CELF2: variants seen among roughly 807,000 people sequenced by gnomAD.
CELF2 encodes the protein CUGBP Elav-like family member 2.
Under a neutral mutation model 62.6 loss-of-function variants are expected in CELF2, and 8 were observed. The observed-to-expected ratio is 0.13, with a 90% CI of 0.07 to 0.23. CELF2 has a LOEUF of 0.23. CELF2 is among the 10% of genes least tolerant of loss of function. The pLI is 1.00. For synonymous variants in CELF2, 258 were observed against 250.0 expected, an observed-to-expected ratio of 1.03 and a Z score of -0.30; for missense variants, 333 against 671.0, an observed-to-expected ratio of 0.50 and a Z score of 5.56.
chr10:10,619,749 T>C, the CELF2 span, among the ~76,000 whole-genome samples: 1 of 152,208 alleles, frequency 6.6e-6, no homozygotes, highest in African/African-American at 2.4e-5. Flanking sequence ...AGAAGTTTGT[T>C]TGGAAAAACA....
intron 1 of CELF2, among the ~76,000 whole-genome samples, chr10:11,097,636 T>G (rs1296284200): frequency 1.3e-5 from 2 of 152,238 alleles, no homozygotes. Context: ...CTTATACTTC[T>G]GAAAACCAAG....
chr10:10,680,194 CAAAT>C, the CELF2 span, among the ~76,000 whole-genome samples: 2 of 151,958 alleles, frequency 1.3e-5, no homozygotes, highest in Admixed American at 6.6e-5. Flanking sequence ...TGTGTATAAA[CAAAT>C]AAAAAAATGT....
At position 11,309,876 on chromosome 10, in the gene CELF2, A is replaced by G. The variant is rs977419669; in HGVS notation, c.977-4263A>G. ...TATACTCTGTTCCAAATAATTAGTT[A>G]TCCTTAGGGGAAGTTACAGAGCCCT... On this transcript the variant is annotated intron_variant, in intron 9 of 12. Transcript: ENST00000633077. This position sits in a 1 kb window ranked among gnomAD's most constrained non-coding sequence, Gnocchi z 5.6. Among the ~76,000 whole-genome samples the G allele has an allele frequency of 3.3e-5, 5 of 152,218 alleles. No homozygotes were observed. The highest frequency in any genetic ancestry group is 6.5e-5 in the Admixed American group (1 of 15,280).
intron 1 of CELF2, among the ~76,000 whole-genome samples, chr10:10,820,270 T>C (rs998382659): frequency 6.6e-6 from 1 of 152,168 alleles, no homozygotes; most frequent in Non-Finnish European, 1.5e-5. Flanking sequence ...CTAATATTAG[T>C]ACTCTTTTCT....
intron 10 of CELF2, chr10:11,320,794 G>C: frequency 6.8e-7 from 1 of 1,472,032 alleles, no homozygotes; most frequent in Middle Eastern, 1.7e-4. Flanking sequence ...ATGGATTTCA[G>C]TGTACAGATG....
chr10:10,646,949 T>C, the CELF2 span, among the ~76,000 whole-genome samples: 1 of 152,188 alleles, frequency 6.6e-6, no homozygotes, highest in African/African-American at 2.4e-5. Context: ...AGCCTGGTCA[T>C]GCCACTCCCC....
rs2062885450 is a variant in CELF2 at position 11,214,846 on chromosome 10, T to C, written c.272-2579T>C. On this transcript the variant is annotated intron_variant, in intron 2 of 12. Coordinates refer to ENST00000633077, the MANE Select transcript of CELF2 (RefSeq NM_001326342.2). This position sits in a 1 kb window ranked among gnomAD's most constrained non-coding sequence, Gnocchi z 4.2. ...TGATAAGTGACTGACTTCACCGTAC[T>C]AGTTGTAAAGGCAGAGTGGACCTTG... 6.6e-6 allele frequency among the ~76,000 whole-genome samples: 1 copy of C among 152,236 alleles called. No homozygotes were observed. Among genetic ancestry groups the C allele is most frequent in the Non-Finnish European group, 1.5e-5 (1 of 68,042 alleles).
At chr10:11,139,221 T>C (rs1325279718) in intron 1 of CELF2, among the ~76,000 whole-genome samples, 3 of 152,212 alleles carry the variant, frequency 2.0e-5, no homozygotes, top group Non-Finnish European at 2.9e-5. Flanking sequence ...ATGAGTAGTT[T>C]TAAACAATGA....
the CELF2 span, among the ~76,000 whole-genome samples, chr10:10,523,033 T>G: frequency 9.2e-5 from 14 of 152,212 alleles, no homozygotes; most frequent in Non-Finnish European, 1.5e-4. Context: ...TTTCTCCTGC[T>G]AAAAGTAAGG....
the CELF2 span, among the ~76,000 whole-genome samples, chr10:10,780,324 C>T: frequency 6.6e-6 from 1 of 152,028 alleles, no homozygotes; most frequent in East Asian, 1.9e-4. Context: ...TTCCTGGAGG[C>T]ACTTACCCTA....
At chr10:10,852,453 A>G (rs896693163) in intron 1 of CELF2, among the ~76,000 whole-genome samples, 19 of 152,212 alleles carry the variant, frequency 1.2e-4, no homozygotes, top group Non-Finnish European at 4.4e-5. Flanking sequence ...TGGAAGGGGC[A>G]TGGGAGAAAG....
intron 1 of CELF2, among the ~76,000 whole-genome samples, chr10:11,035,242 C>G (rs1380048879): frequency 6.6e-6 from 1 of 152,032 alleles, no homozygotes; most frequent in African/African-American, 2.4e-5. Flanking sequence ...CGTCTTCTTA[C>G]CTAAATCCTT....
At chr10:10,637,032 A>T in the CELF2 span, among the ~76,000 whole-genome samples, 27 of 152,292 alleles carry the variant, frequency 1.8e-4, no homozygotes, top group African/African-American at 6.5e-4. Flanking sequence ...CATGGTAATT[A>T]TATATATGAG....
chr10:10,761,223 A>G, the CELF2 span, among the ~76,000 whole-genome samples: 3 of 152,214 alleles, frequency 2.0e-5, no homozygotes, highest in Non-Finnish European at 4.4e-5. Flanking sequence ...TAGGAGGAGG[A>G]GTATAAAAGA....
chr10:11,051,834 A>G (rs1447259866), intron 1 of CELF2, among the ~76,000 whole-genome samples: 1 of 151,836 alleles, frequency 6.6e-6, no homozygotes, highest in Non-Finnish European at 1.5e-5. Flanking sequence ...ATACAATCTA[A>G]TGATCTTAAC....
At position 11,022,090 on chromosome 10, in the gene CELF2, T is replaced by A. The variant is rs149984434; in HGVS notation, c.74+3927T>A. ...TCTATTTAGAAAATGCAGTTATAAATAATACGGAGATAACTGGCATTTATC... is the reference window on the plus strand; with the variant it reads ...TCTATTTAGAAAATGCAGTTATAAAAAATACGGAGATAACTGGCATTTATC... On this transcript the variant is annotated intron_variant, in intron 1 of 12. Transcript: ENST00000633077. 3.6e-3 allele frequency among the ~76,000 whole-genome samples: 552 copies of A among 152,318 alleles called. 1 individual carries two copies. Among genetic ancestry groups the A allele is most frequent in the Non-Finnish European group, 6.1e-3 (412 of 68,022 alleles).
chr10:11,164,765 T>C (rs1398021992), intron 1 of CELF2, among the ~76,000 whole-genome samples: 1 of 152,104 alleles, frequency 6.6e-6, no homozygotes, highest in East Asian at 1.9e-4. Flanking sequence ...AACAATGTGC[T>C]TTTTAAAGGG....
At chr10:10,985,984 C>T (rs1055331418) in intron 2 of CELF2, among the ~76,000 whole-genome samples, 6 of 152,084 alleles carry the variant, frequency 3.9e-5, no homozygotes, top group African/African-American at 7.2e-5. Context: ...ATAGAAATGC[C>T]GGTTAAAATA....
chr10:10,672,531 C>A, the CELF2 span, among the ~76,000 whole-genome samples: 1 of 150,094 alleles, frequency 6.7e-6, no homozygotes, highest in Non-Finnish European at 1.5e-5. Flanking sequence ...CTAGTTGGTC[C>A]GGCACAATTT....
Sources: allele counts gnomAD v4.1 joint callset (sites outside exome capture counted in the v4.1 genomes callset), GRCh38; gene constraint gnomAD v4.1.1; non-coding constraint Gnocchi (gnomAD v3.1); transcripts MANE v1.5; gene names NCBI Gene and HGNC (gene_info 2026-07-23, HGNC 2026-07-21).